Variants in NAV2 observed in about 807,000 individuals in gnomAD.
NAV2 encodes neuron navigator 2, also known as helicase, APC down-regulated 1.
NAV2 carries 54 observed loss-of-function variants against 223.2 expected under a neutral mutation model. That is an observed-to-expected ratio of 0.24 (90% CI 0.19 to 0.30). NAV2 has a LOEUF of 0.30. Among genes scored for constraint, NAV2 ranks in the 10% least tolerant of loss-of-function variants. The probability of loss-of-function intolerance (pLI) is 1.00; values close to 1 mark genes in which losing one functional copy is unlikely to be tolerated. For synonymous variants in NAV2, 1,279 were observed against 1,239.3 expected (o/e 1.03, Z -0.67); for missense variants, 2,806 against 3,147.5 (o/e 0.89, Z 2.60).
At chr11:19,431,412 G>A (rs908431561) in intron 1 of NAV2, among the ~76,000 whole-genome samples, 2 of 152,190 alleles carry the variant, frequency 1.3e-5, no homozygotes, top group African/African-American at 2.4e-5. Context: ...ATGCTATGCT[G>A]AGAAATGAGA....
intron 1 of NAV2, among the ~76,000 whole-genome samples, chr11:19,501,981 C>G (rs957182055): frequency 3.9e-5 from 6 of 152,148 alleles, no homozygotes; most frequent in South Asian, 2.1e-4. Context: ...TGTAAGTGAA[C>G]AGTCGATGGG....
chr11:19,668,378 C>T (rs936382972), intron 1 of NAV2, among the ~76,000 whole-genome samples: 2 of 151,806 alleles, frequency 1.3e-5, no homozygotes, highest in Non-Finnish European at 2.9e-5. Context: ...ACTAAAAATA[C>T]AAAAATCAGC....
chr11:19,897,903 T>TATATATATAC (rs927166131), intron 6 of NAV2, among the ~76,000 whole-genome samples: 1 of 147,600 alleles, frequency 6.8e-6, no homozygotes, highest in African/African-American at 2.6e-5. Flanking sequence ...TATATATATA[T>TATATATATAC]ATGTGAGCAG....
intron 1 of NAV2, among the ~76,000 whole-genome samples, chr11:19,507,618 A>G (rs1038177165): frequency 1.3e-5 from 2 of 152,208 alleles, no homozygotes; most frequent in African/African-American, 4.8e-5. Flanking sequence ...TTGGAGGAAC[A>G]TTGAAAATAA....
intron 1 of NAV2, among the ~76,000 whole-genome samples, chr11:19,416,718 G>A (rs114967948): frequency 0.03 from 4,562 of 152,146 alleles, 246 homozygotes; most frequent in African/African-American, 0.1. Context: ...TACAATAACC[G>A]AAACAGCAAG....
At chr11:19,641,746 C>T (rs940481467) in intron 1 of NAV2, among the ~76,000 whole-genome samples, 1 of 152,038 alleles carries the variant, frequency 6.6e-6, no homozygotes, top group Non-Finnish European at 1.5e-5. Context: ...GCTCAAATGC[C>T]CCTGGCCCCG....
At chr11:19,787,753 A>G (rs1392348075) in intron 1 of NAV2, among the ~76,000 whole-genome samples, 2 of 152,170 alleles carry the variant, frequency 1.3e-5, no homozygotes, top group Non-Finnish European at 2.9e-5. Context: ...AGCCTCCCAA[A>G]TCTAGGACTT....
At chr11:19,492,635 C>T (rs937169137) in intron 1 of NAV2, among the ~76,000 whole-genome samples, 7 of 152,144 alleles carry the variant, frequency 4.6e-5, no homozygotes, top group Admixed American at 6.5e-5. Context: ...TAAAAATAAA[C>T]ATTTGTCTAT....
intron 1 of NAV2, among the ~76,000 whole-genome samples, chr11:19,546,959 T>C (rs2044518811): frequency 6.6e-6 from 1 of 152,220 alleles, no homozygotes; most frequent in Non-Finnish European, 1.5e-5. Context: ...TAGGTCACTA[T>C]TGATACCTGG....
intron 11 of NAV2, among the ~76,000 whole-genome samples, chr11:19,986,507 C>T (rs533892062): frequency 2.0e-5 from 3 of 152,182 alleles, no homozygotes; most frequent in Middle Eastern, 6.9e-3. Context: ...GTAATCCCAG[C>T]TACTCGGGAG....
At chr11:19,548,859 C>G (rs1196250892) in intron 1 of NAV2, among the ~76,000 whole-genome samples, 1 of 129,214 alleles carries the variant, frequency 7.7e-6, no homozygotes, top group African/African-American at 2.9e-5. Context: ...GCCTGGGTGA[C>G]ACATCAGGCT....
rs566719034 is a variant in NAV2, at chr11:19,567,348, C to T, written c.75+216321C>T. ...AGTGGTGATCCCAGGGGACAACCGA[C>T]CCACTAGAGAGCAAAACTGAGGCTT... On this transcript the variant is annotated intron_variant, in intron 1 of 37. Transcript: ENST00000360655. 2.6e-5 allele frequency among the ~76,000 whole-genome samples: 4 copies of T among 152,260 alleles called. No homozygotes were observed. In the East Asian group the frequency reaches 5.8e-4, roughly 22 times the overall value.
intron 22 of NAV2, 105 bp downstream of exon 22, chr11:20,068,503 T>C: frequency 1.2e-6 from 1 of 852,780 alleles, no homozygotes; most frequent in East Asian, 2.5e-5. Flanking sequence ...TAGCACATTA[T>C]AAAGAAAAAG....
intron 1 of NAV2, among the ~76,000 whole-genome samples, chr11:19,356,726 A>G (rs1181617237): frequency 2.0e-5 from 3 of 152,192 alleles, no homozygotes; most frequent in African/African-American, 4.8e-5. Flanking sequence ...GCATTTCCCA[A>G]ACATTCATGA....
At chr11:19,944,479 TCCTTTCC>T (rs539011701) in intron 8 of NAV2, among the ~76,000 whole-genome samples, 68 of 151,732 alleles carry the variant, frequency 4.5e-4, no homozygotes, top group African/African-American at 1.3e-3. Context: ...TCTCTTCTTC[TCCTTTCC>T]CCTTTCCCCT....
At chr11:19,695,743 A>C (rs1373506295) in intron 1 of NAV2, among the ~76,000 whole-genome samples, 1 of 150,854 alleles carries the variant, frequency 6.6e-6, no homozygotes, top group African/African-American at 2.5e-5. Context: ...ATCTCTACTA[A>C]AAATATAAAA....
intron 1 of NAV2, among the ~76,000 whole-genome samples, chr11:19,677,018 C>A (rs1045076629): frequency 6.6e-6 from 1 of 152,174 alleles, no homozygotes; most frequent in African/African-American, 2.4e-5. Flanking sequence ...GAAGGCACGG[C>A]CTCTCAAGGA....
At chr11:19,413,823 C>T (rs925026008) in intron 1 of NAV2, among the ~76,000 whole-genome samples, 1 of 152,134 alleles carries the variant, frequency 6.6e-6, no homozygotes, top group East Asian at 1.9e-4. Flanking sequence ...TCCAGCCAAA[C>T]TAAGCCTCAC....
chr11:19,832,448 T>C (rs1176217543), intron 1 of NAV2, 36 bp from the exon 2 acceptor site: 10 of 1,555,636 alleles, frequency 6.4e-6, no homozygotes, highest in Non-Finnish European at 7.1e-6. Context: ...GGGATCCGAC[T>C]GGCTTCCTAA....
Sources: allele counts gnomAD v4.1 joint callset (sites outside exome capture counted in the v4.1 genomes callset), GRCh38; gene constraint gnomAD v4.1.1; transcripts MANE v1.5; gene names NCBI Gene and HGNC (gene_info 2026-07-23, HGNC 2026-07-21).